EPHA6: variants seen among roughly 807,000 people sequenced by gnomAD.
EPHA6 encodes the protein ephrin type-A receptor 6.
Under a neutral mutation model 112.0 loss-of-function variants are expected in EPHA6, and 50 were observed. That is an observed-to-expected ratio of 0.45 (90% CI 0.36 to 0.56). EPHA6 has a LOEUF of 0.56. EPHA6 is among the 20% of genes least tolerant of loss of function. The probability of loss-of-function intolerance (pLI) is 0.00; values close to 1 mark genes in which losing one functional copy is unlikely to be tolerated. For missense variants in EPHA6, 1,280 were observed against 1,417.4 expected, an observed-to-expected ratio of 0.90 and a Z score of 1.56; for synonymous variants, 529 against 490.7, an observed-to-expected ratio of 1.08 and a Z score of -1.03.
At chr3:97,644,796 A>G (rs890135668) in intron 14 of EPHA6, among the ~76,000 whole-genome samples, 1 of 151,934 alleles carries the variant, frequency 6.6e-6, no homozygotes, top group Non-Finnish European at 1.5e-5. Context: ...GCAATAATCA[A>G]TAGTTTACCA....
chr3:97,368,799 A>G (rs2084886440), intron 5 of EPHA6, among the ~76,000 whole-genome samples: 1 of 152,172 alleles, frequency 6.6e-6, no homozygotes, highest in Non-Finnish European at 1.5e-5. Context: ...TATGCCACGC[A>G]CAGTCCCAGG....
intron 5 of EPHA6, among the ~76,000 whole-genome samples, chr3:97,354,858 G>A (rs1302749313): frequency 6.6e-6 from 1 of 152,142 alleles, no homozygotes; most frequent in Non-Finnish European, 1.5e-5. Flanking sequence ...TCTAAAAGCA[G>A]CAAGAGAAAA....
At chr3:97,569,612 G>A (rs1371777110) in intron 11 of EPHA6, among the ~76,000 whole-genome samples, 4 of 152,094 alleles carry the variant, frequency 2.6e-5, no homozygotes, top group Non-Finnish European at 5.9e-5. Flanking sequence ...AAATTGTATT[G>A]TGAAGAGTAA....
chr3:97,611,384 T>C (rs1362063449), intron 13 of EPHA6, among the ~76,000 whole-genome samples: 1 of 151,848 alleles, frequency 6.6e-6, no homozygotes, highest in Non-Finnish European at 1.5e-5. Flanking sequence ...GAGATTTCTT[T>C]TACAAAAACA....
At chr3:96,965,235 C>T (rs1183203146) in intron 2 of EPHA6, among the ~76,000 whole-genome samples, 1 of 152,048 alleles carries the variant, frequency 6.6e-6, no homozygotes, top group Non-Finnish European at 1.5e-5. Context: ...GGTTACAGTT[C>T]ATCTACAAGG....
intron 6 of EPHA6, among the ~76,000 whole-genome samples, chr3:97,413,477 C>T (rs2087881709): frequency 6.6e-6 from 1 of 151,862 alleles, no homozygotes; most frequent in Non-Finnish European, 1.5e-5. Flanking sequence ...CCCAATGAAT[C>T]TACATTTTAT....
At position 97,445,620 on chromosome 3, in the gene EPHA6, G is replaced by A. The variant is rs951970360; in HGVS notation, c.1732-2948G>A. Reference sequence around the variant, plus strand: ...ATAATGAGTTAAGCATGAAGCATAAGAAGTTAGAAGACAACATATCTAACA... The same window carrying A: ...ATAATGAGTTAAGCATGAAGCATAAAAAGTTAGAAGACAACATATCTAACA... On this transcript the variant is annotated intron_variant, in intron 6 of 17. Coordinates refer to ENST00000389672, the MANE Select transcript of EPHA6 (RefSeq NM_001080448.3). Among the ~76,000 whole-genome samples, 8 of 151,656 alleles carry A rather than the reference G, an allele frequency of 5.3e-5. No homozygotes were observed. The Admixed American group carries it at 5.3e-4, about 10-fold the overall frequency.
At chr3:96,994,724 T>TAGAG (rs1287402601) in intron 3 of EPHA6, among the ~76,000 whole-genome samples, 9 of 78,782 alleles carry the variant, frequency 1.1e-4, no homozygotes, top group African/African-American at 5.7e-4. Context: ...TATATATATA[T>TAGAG]ATATATATAG....
At chr3:97,466,191 A>G in intron 7 of EPHA6, 2 of 730,004 alleles carry the variant, frequency 2.7e-6, no homozygotes, top group Non-Finnish European at 5.0e-6. Flanking sequence ...CTACACTTCC[A>G]ATCCTATCCA....
At chr3:97,494,292 AACCAGTTAATCT>A (rs200657997) in intron 10 of EPHA6, among the ~76,000 whole-genome samples, 2,331 of 152,282 alleles carry the variant, frequency 0.015, 55 homozygotes, top group African/African-American at 0.051. Flanking sequence ...CGCCTTTTAT[AACCAGTTAATCT>A]ATCTCTGGTT....
chr3:96,820,402 T>G (rs921648646), intron 1 of EPHA6, among the ~76,000 whole-genome samples: 2 of 151,908 alleles, frequency 1.3e-5, no homozygotes, highest in African/African-American at 4.8e-5. Context: ...GTTGCAGTTG[T>G]CCGGGCAAGA....
chr3:96,850,421 G>A (rs1023605170), intron 1 of EPHA6, among the ~76,000 whole-genome samples: 4 of 152,098 alleles, frequency 2.6e-5, no homozygotes, highest in African/African-American at 7.2e-5. Context: ...TTTAGAAAGG[G>A]TACTGTCTCA....
chr3:97,109,586 G>C (rs1157862615), intron 3 of EPHA6, among the ~76,000 whole-genome samples: 1 of 152,150 alleles, frequency 6.6e-6, no homozygotes, highest in African/African-American at 2.4e-5. Flanking sequence ...TACTTTTTCA[G>C]CTTTTATAAA....
chr3:97,127,967 G>A (rs879909669), intron 3 of EPHA6, among the ~76,000 whole-genome samples: 22 of 151,868 alleles, frequency 1.4e-4, no homozygotes, highest in Non-Finnish European at 2.2e-4. Flanking sequence ...CCCATCACCT[G>A]AGTAGTGTGC....
intron 15 of EPHA6, among the ~76,000 whole-genome samples, chr3:97,725,262 C>T (rs897998642): frequency 6.6e-6 from 1 of 152,094 alleles, no homozygotes; most frequent in Non-Finnish European, 1.5e-5. Flanking sequence ...TGTGCAAATT[C>T]GTACACAAAT....
intron 10 of EPHA6, among the ~76,000 whole-genome samples, chr3:97,497,719 T>A (rs1253664824): frequency 7.2e-5 from 11 of 151,998 alleles, no homozygotes; most frequent in African/African-American, 2.7e-4. Flanking sequence ...AGTGTAGGGT[T>A]GAGGAGAAGG....
At chr3:97,312,043 A>G (rs948824580) in intron 5 of EPHA6, among the ~76,000 whole-genome samples, 2 of 151,402 alleles carry the variant, frequency 1.3e-5, no homozygotes, top group African/African-American at 2.4e-5. Context: ...ACTCATTTTT[A>G]TTTGTTTCTA....
chr3:97,112,132 T>C (rs141422248), intron 3 of EPHA6, among the ~76,000 whole-genome samples: 1 of 152,116 alleles, frequency 6.6e-6, no homozygotes, highest in African/African-American at 2.4e-5. Flanking sequence ...GATATAGTAT[T>C]CATTTAATGA....
At chr3:97,586,468 C>T (rs1477717417) in intron 11 of EPHA6, among the ~76,000 whole-genome samples, 1 of 151,876 alleles carries the variant, frequency 6.6e-6, no homozygotes, top group African/African-American at 2.4e-5. Context: ...GAAGTATTTG[C>T]TCAAACAAAA....
Sources: allele counts gnomAD v4.1 joint callset (sites outside exome capture counted in the v4.1 genomes callset), GRCh38; gene constraint gnomAD v4.1.1; transcripts MANE v1.5; gene names NCBI Gene and HGNC (gene_info 2026-07-23, HGNC 2026-07-21).